The following ZNF34 variants were observed in gnomAD, a reference collection of about 807,000 sequenced individuals.
ZNF34 encodes zinc finger protein 34.
In ZNF34, 8 loss-of-function variants were observed where a neutral mutation model predicts 14.4. The observed-to-expected ratio is 0.55, with a 90% CI of 0.33 to 1.00. ZNF34 has a LOEUF of 1.00. ZNF34 is among the 50% of genes least tolerant of loss of function. ZNF34 has a pLI of 0.03. For missense variants in ZNF34, 538 were observed against 674.2 expected, an observed-to-expected ratio of 0.80 and a Z score of 2.24; for synonymous variants, 235 against 247.9, an observed-to-expected ratio of 0.95 and a Z score of 0.49.
At chr8:144,778,417 T>TC (rs1586732599) in intron 3 of ZNF34, 22 bp downstream of exon 3, 2 of 1,527,184 alleles carry the variant, frequency 1.3e-6, no homozygotes, top group African/African-American at 2.8e-5. Flanking sequence ...ACTTCACTCC[T>TC]CCCAGGAGGA....
intron 1 of ZNF34, chr8:144,785,662 A>G (rs1826182128): frequency 6.6e-6 from 1 of 152,248 alleles, no homozygotes; most frequent in Non-Finnish European, 1.5e-5. Context: ...AAAATACTTC[A>G]TAATACCAAA....
chr8:144,780,006 T>A lies in ZNF34; in HGVS notation c.-55+222A>T, dbSNP rs1825762748. Among the ~76,000 whole-genome samples, 12 of 125,712 alleles carry A rather than the reference T, an allele frequency of 9.5e-5. No individual in the cohort carries two copies. In the South Asian group the frequency reaches 2.8e-3, roughly 29 times the overall value. 82.5% of individuals were successfully genotyped at this position (125,712 alleles called of 152,430 possible). On this transcript the variant is annotated intron_variant, in intron 2 of 5. Transcript: ENST00000429371. Reference sequence around the variant, plus strand: ...GAATTTGAGACAAGCCTGGGCAACATAGGGAGACCTTAATGCTACCAAAAA... The same window carrying A: ...GAATTTGAGACAAGCCTGGGCAACAAAGGGAGACCTTAATGCTACCAAAAA...
intron 1 of ZNF34, among the ~76,000 whole-genome samples, 158 bp from the exon 2 acceptor site, chr8:144,780,438 G>T (rs556755885): frequency 6.6e-6 from 1 of 152,320 alleles, no homozygotes; most frequent in African/African-American, 2.4e-5. Context: ...TGAGTACACA[G>T]TTCAGTGGAC....
rs1825653708 is a variant in ZNF34 at position 144,778,225 on chromosome 8, GAGGCAGCAGAAGCATGCTAA to G, written c.34-81_34-62del. ...TCCAGAGTGGGCTGGTAGGGGCGGG[GAGGCAGCAGAAGCATGCTAA>G]AGGCAGCAGCACAGTGGGTGGCCTG... On this transcript the variant is annotated intron_variant, in intron 3 of 5. Coordinates refer to ENST00000429371, the MANE Select transcript of ZNF34 (RefSeq NM_001286769.2). The G allele has an allele frequency of 4.5e-6, 7 of 1,565,102 alleles. No individual in the cohort carries two copies. In the African/African-American group the frequency reaches 6.8e-5, roughly 15 times the overall value.
chr8:144,781,184 C>T (rs896501023), intron 1 of ZNF34, among the ~76,000 whole-genome samples: 1 of 147,892 alleles, frequency 6.8e-6, no homozygotes, highest in African/African-American at 2.5e-5. Context: ...TAAAACACTG[C>T]ATATTACTAA....
In ZNF34 at chr8:144,773,638, ATGT is replaced by A; in HGVS notation, c.1245_1247del (p.Glu415_His416delinsAsp). On this transcript the variant is annotated inframe_deletion, in exon 6 of 6. Coordinates refer to ENST00000429371, the MANE Select transcript of ZNF34 (RefSeq NM_001286769.2). The surrounding 1 kb of genome is among the most constrained non-coding windows in gnomAD (Gnocchi z 5.4). Reference sequence around the variant, plus strand: ...GCTTCTCTCCAGTGTGGCTTCTCTGATGTTCCACGAGTTTGGTTTTTTGAATGA... The same window carrying A: ...GCTTCTCTCCAGTGTGGCTTCTCTGATCCACGAGTTTGGTTTTTTGAATGA... The A allele has an allele frequency of 6.2e-7, 1 of 1,614,072 alleles. No homozygotes were observed. Among genetic ancestry groups the A allele is most frequent in the Non-Finnish European group, 8.5e-7 (1 of 1,180,002 alleles).
intron 1 of ZNF34, among the ~76,000 whole-genome samples, chr8:144,785,986 T>G (rs981488080): frequency 4.1e-5 from 6 of 145,022 alleles, no homozygotes; most frequent in East Asian, 2.0e-4. Flanking sequence ...GTAGTTTTTT[T>G]TTTTTTTTTT....
chr8:144,777,396 C>A lies in ZNF34; in HGVS notation c.280+62G>T, dbSNP rs886542540. On this transcript the variant is annotated intron_variant, in intron 5 of 5. Coordinates refer to ENST00000429371, the MANE Select transcript of ZNF34 (RefSeq NM_001286769.2). The surrounding 1 kb of genome is among the most constrained non-coding windows in gnomAD (Gnocchi z 4.8). ...AAACTCCTGATTCATTAATCAGACA[C>A]CCTGGACCCCAATAAAGGCTCGTTC... 55 of 1,534,696 alleles carry A rather than the reference C, an allele frequency of 3.6e-5. No homozygotes were observed. In the African/African-American group the frequency reaches 6.6e-4, roughly 18 times the overall value.
rs549185184 is a variant in ZNF34, at chr8:144,776,474, C to G, written c.280+984G>C. On this transcript the variant is annotated intron_variant, in intron 5 of 5. Transcript: ENST00000429371. Reference sequence around the variant, plus strand: ...AATTAGCCAGGCATGGCGGCAGGCACCTGTAGTCCCAGCTACTCAGGAGGC... The same window carrying G: ...AATTAGCCAGGCATGGCGGCAGGCAGCTGTAGTCCCAGCTACTCAGGAGGC... 5.9e-5 allele frequency among the ~76,000 whole-genome samples: 9 copies of G among 151,756 alleles called. No individual in the cohort carries two copies. In the East Asian group the frequency reaches 1.6e-3, roughly 26 times the overall value.
intron 1 of ZNF34, among the ~76,000 whole-genome samples, chr8:144,782,109 G>T (rs1467375850): frequency 6.6e-6 from 1 of 151,764 alleles, no homozygotes; most frequent in South Asian, 2.1e-4. Flanking sequence ...GGATCACGAG[G>T]TCAAGAGATC....
intron 1 of ZNF34, chr8:144,785,197 A>G (rs1326378867): frequency 6.6e-6 from 1 of 152,048 alleles, no homozygotes; most frequent in Non-Finnish European, 1.5e-5. Flanking sequence ...AGTGAAAGAT[A>G]TTTGCAGACA....
rs935757515 is a variant in ZNF34 at position 144,773,416 on chromosome 8, G to A, written c.1470C>T (p.Ala490=). ...GAATCAAGTACGTGCTCTGGCTGAAGGCTTTCTTGCAATCGCTGCATCTGT... is the reference window on the plus strand; with the variant it reads ...GAATCAAGTACGTGCTCTGGCTGAAAGCTTTCTTGCAATCGCTGCATCTGT... ...KPYRCSDCKK[A]FSQSTYLIQH... is the part of the protein sequence containing the mutation. Residue 490 remains alanine, a synonymous_variant, in exon 6 of 6, where the codon GCC becomes GCT. Transcript: ENST00000429371. This position sits in a 1 kb window ranked among gnomAD's most constrained non-coding sequence, Gnocchi z 5.4. The A allele has an allele frequency of 2.5e-6, 4 of 1,613,652 alleles. No individual in the cohort carries two copies. The highest frequency in any genetic ancestry group is 3.3e-5 in the Admixed American group (2 of 59,952).
chr8:144,786,276 AC>A (rs1826230364), intron 1 of ZNF34, among the ~76,000 whole-genome samples: 1 of 151,728 alleles, frequency 6.6e-6, no homozygotes, highest in Admixed American at 6.6e-5. Flanking sequence ...GGCGTGAGCC[AC>A]CGTGCTCTGC....
rs901454025 is a variant in ZNF34, at chr8:144,773,463, G to C, written c.1423C>G (p.Leu475Val). The C allele has an allele frequency of 6.2e-7, 1 of 1,612,398 alleles. No individual in the cohort carries two copies. ...NSSRLIHHQR[L>V]HHGEKPYRCS... The stretch of plus-strand genomic sequence containing the variant: ...CTGTAGGGTTTCTCTCCGTGGTGCA[G>C]CCTCTGGTGGTGGATGAGTCTGGAA... Residue 475 changes from leucine to valine, a missense_variant, in exon 6 of 6, where the codon CTG (leucine) becomes GTG (valine). Around this residue, in one of 3 missense-constraint regions of ZNF34, gnomAD observed 101 missense variants for 123.1 expected, o/e 0.82. Transcript: ENST00000429371. The surrounding 1 kb of genome is among the most constrained non-coding windows in gnomAD (Gnocchi z 5.4).
chr8:144,780,864 T>C (rs1452087098), intron 1 of ZNF34, among the ~76,000 whole-genome samples: 1 of 151,366 alleles, frequency 6.6e-6, no homozygotes, highest in Non-Finnish European at 1.5e-5. Context: ...TGGCCAGGCG[T>C]GGTTGCTCAC....
intron 1 of ZNF34, among the ~76,000 whole-genome samples, chr8:144,784,620 T>C (rs889724419): frequency 6.6e-6 from 1 of 151,776 alleles, no homozygotes; most frequent in Non-Finnish European, 1.5e-5. Context: ...TAGCCGGGCG[T>C]GGTGGCGGGC....
At chr8:144,780,085 T>C in intron 2 of ZNF34, 143 bp downstream of exon 2, 1 of 566,080 alleles carries the variant, frequency 1.8e-6, no homozygotes, top group Admixed American at 2.8e-5. Context: ...TAGTCCCAGC[T>C]ACTTGGGAGG....
At chr8:144,780,376 T>C (rs888771929) in intron 1 of ZNF34, 96 bp from the exon 2 acceptor site, 11 of 914,112 alleles carry the variant, frequency 1.2e-5, no homozygotes, top group South Asian at 1.6e-5. Context: ...CTTTTCTGTA[T>C]CTTTAAAGCT....
At chr8:144,781,138 T>TAAATAAAC (rs1825854240) in intron 1 of ZNF34, among the ~76,000 whole-genome samples, 1 of 127,312 alleles carries the variant, frequency 7.9e-6, no homozygotes, top group Admixed American at 8.2e-5. Flanking sequence ...CCATCTCAAA[T>TAAATAAAC]AAATAAATAA....
Sources: allele counts gnomAD v4.1 joint callset (sites outside exome capture counted in the v4.1 genomes callset), GRCh38; gene constraint gnomAD v4.1.1; regional missense constraint gnomAD v4.1.1; non-coding constraint Gnocchi (gnomAD v3.1); transcripts MANE v1.5; gene names NCBI Gene and HGNC (gene_info 2026-07-23, HGNC 2026-07-21).